Variants in NAA30 observed in about 807,000 individuals in gnomAD.
The protein encoded by NAA30 is N-alpha-acetyltransferase 30, NatC catalytic subunit, also known as N-alpha-acetyltransferase 30.
Under a neutral mutation model 31.4 loss-of-function variants are expected in NAA30, and 5 were observed. That is an observed-to-expected ratio of 0.16 (90% CI 0.08 to 0.33). The LOEUF is 0.33. NAA30 is among the 10% of genes least tolerant of loss of function. The pLI is 1.00. For missense variants in NAA30, 428 were observed against 490.8 expected, an observed-to-expected ratio of 0.87 and a Z score of 1.21; for synonymous variants, 222 against 207.1, an observed-to-expected ratio of 1.07 and a Z score of -0.62.
intron 2 of NAA30, among the ~76,000 whole-genome samples, chr14:57,393,377 G>A (rs1270722427): frequency 6.6e-6 from 1 of 152,090 alleles, no homozygotes; most frequent in Non-Finnish European, 1.5e-5. Context: ...TGAGTATCTA[G>A]AATTGCGATA....
rs533322853 is a variant in NAA30, at chr14:57,394,991, C to T, written c.772-1761C>T. ...TTTTATGTATGTGTATGTATTTATACGTGTCTGTATATACGCACATATATT... is the reference window on the plus strand; with the variant it reads ...TTTTATGTATGTGTATGTATTTATATGTGTCTGTATATACGCACATATATT... On this transcript the variant is annotated intron_variant, in intron 2 of 4. Coordinates refer to ENST00000556492, the MANE Select transcript of NAA30 (RefSeq NM_001011713.3). Among the ~76,000 whole-genome samples the T allele has an allele frequency of 2.0e-4, 31 of 152,170 alleles. No individual in the cohort carries two copies. In the South Asian group the frequency reaches 4.8e-3, roughly 23 times the overall value.
In NAA30 at chr14:57,413,268, T is replaced by G. The variant is rs2066531680; in HGVS notation, c.*3752T>G. 6.6e-6 allele frequency: 1 copy of G among 152,220 alleles called. No homozygotes were observed. The highest frequency in any genetic ancestry group is 1.5e-5 in the Non-Finnish European group (1 of 68,036). The allele number at this position is 152,220 out of a possible 1,614,324, so 9.4% of individuals were successfully genotyped here. Reference sequence around the variant, plus strand: ...ATTTTAGTGGAAGGATGAAATGATCTGTTTTAATCATTTAACTGCTAAATT... The same window carrying G: ...ATTTTAGTGGAAGGATGAAATGATCGGTTTTAATCATTTAACTGCTAAATT... On this transcript the variant is annotated 3_prime_UTR_variant, in exon 5 of 5. Transcript: ENST00000556492.
rs748563296 is a variant in NAA30, at chr14:57,415,225, T to C, written c.*5709T>C. On this transcript the variant is annotated 3_prime_UTR_variant, in exon 5 of 5. Coordinates refer to ENST00000556492, the MANE Select transcript of NAA30 (RefSeq NM_001011713.3). ...ACATAGTAAATCAATTTGAAATTTC[T>C]TAAAAACGTTTATAAGACTTTTCTG... 7.9e-5 allele frequency: 12 copies of C among 152,254 alleles called. No homozygotes were observed. The highest frequency in any genetic ancestry group is 5.9e-4 in the Admixed American group (9 of 15,286). The allele number at this position is 152,254 out of a possible 1,614,324, so 9.4% of individuals were successfully genotyped here.
Position 57,390,997 on chromosome 14 carries a change from C to T in NAA30, c.40C>T (p.Pro14Ser). Residue 14 changes from proline to serine, a missense_variant, in exon 2 of 5, where the codon CCA becomes TCA. By Grantham distance (74) the Pro-to-Ser change is moderately conservative (BLOSUM62 -1). This residue lies in a region of NAA30 where 349 missense variants were observed against 310.4 expected (regional missense o/e 1.12). Transcript: ENST00000556492. ...GCCTGGGCCTAGCAGCCTCCTCCCA[C>T]CACCAGCACCTCCGGCCCCGGCGGC... is the stretch of plus-strand genomic sequence containing the variant. ...VPPGPSSLLP[P>S]PAPPAPAAVE... 1 of 1,496,702 alleles carries T rather than the reference C, an allele frequency of 6.7e-7. No homozygotes were observed. The highest frequency in any genetic ancestry group is 8.8e-7 in the Non-Finnish European group (1 of 1,131,182). 92.7% of individuals were successfully genotyped at this position (1,496,702 alleles called of 1,614,324 possible).
chr14:57,406,028 C>A (rs965269541), intron 4 of NAA30, among the ~76,000 whole-genome samples: 7 of 151,918 alleles, frequency 4.6e-5, no homozygotes, highest in African/African-American at 7.3e-5. Context: ...TTCAGATATT[C>A]TTTTAATATG....
chr14:57,404,724 A>G (rs1007915306), intron 4 of NAA30, among the ~76,000 whole-genome samples: 3 of 152,194 alleles, frequency 2.0e-5, no homozygotes, highest in Non-Finnish European at 4.4e-5. Flanking sequence ...AGCAAGTCGC[A>G]TCTTACGTGG....
At chr14:57,404,807 CTT>C (rs1455988937) in intron 4 of NAA30, among the ~76,000 whole-genome samples, 7 of 152,080 alleles carry the variant, frequency 4.6e-5, no homozygotes, top group Admixed American at 6.5e-5. Flanking sequence ...TCTCGTGAGA[CTT>C]AATTCACTCA....
Position 57,409,375 on chromosome 14 carries a change from G to T in NAA30, c.952-4G>T. 1 of 1,584,382 alleles carries T rather than the reference G, an allele frequency of 6.3e-7. No individual in the cohort carries two copies. Among genetic ancestry groups the T allele is most frequent in the Non-Finnish European group, 8.6e-7 (1 of 1,168,600 alleles). ...AACTTAGTTTTTTTCTCATTTCTTT[G>T]AAGGTTGTTTTGGAAACCGAAATAA... On this transcript the variant is annotated splice_polypyrimidine_tract_variant and splice_region_variant and intron_variant, in intron 4 of 4. Transcript: ENST00000556492.
At position 57,399,748 on chromosome 14, in the gene NAA30, C is replaced by T. The variant is rs977367175; in HGVS notation, c.896-80C>T. ...AGATAGAAACTAGCATTTGACATTT[C>T]TGTGCTTACGAATATTATAATTTAG... On this transcript the variant is annotated intron_variant, in intron 3 of 4. Coordinates refer to ENST00000556492, the MANE Select transcript of NAA30 (RefSeq NM_001011713.3). 10 of 817,196 alleles carry T rather than the reference C, an allele frequency of 1.2e-5. No individual in the cohort carries two copies. The African/African-American group carries it at 1.7e-4, about 14-fold the overall frequency. The allele number at this position is 817,196 out of a possible 1,614,324, so 50.6% of individuals were successfully genotyped here.
In NAA30 at chr14:57,414,984, T is replaced by A. The variant is rs1594755551; in HGVS notation, c.*5468T>A. The A allele has an allele frequency of 6.6e-6, 1 of 152,224 alleles. No individual in the cohort carries two copies. Among genetic ancestry groups the A allele is most frequent in the African/African-American group, 2.4e-5 (1 of 41,460 alleles). The allele number at this position is 152,224 out of a possible 1,614,324, so 9.4% of individuals were successfully genotyped here. A position where few individuals can be genotyped will look rare whatever the true frequency, so the allele number is the denominator to read the frequency against. ...GGGGGTTATAATGAAATAGTTTTAG[T>A]CTATGTAAGGTTTTTATAATGCTAA... On this transcript the variant is annotated 3_prime_UTR_variant, in exon 5 of 5. Transcript: ENST00000556492.
Position 57,409,428 on chromosome 14 carries a change from A to G in NAA30, c.1001A>G (p.Glu334Gly). 4 of 1,611,112 alleles carry G rather than the reference A, an allele frequency of 2.5e-6. No individual in the cohort carries two copies. The highest frequency in any genetic ancestry group is 3.4e-6 in the Non-Finnish European group (4 of 1,178,762). Residue 334 changes from glutamate (E) to glycine (G), a missense_variant, in exon 5 of 5, where the codon GAA becomes GGA. By Grantham distance (98) the Glu-to-Gly change is moderately conservative. Transcript: ENST00000556492. ...AATAAGTCCGCTTTGAAACTTTATG[A>G]AAATCTTGGTTTTGTTCGAGATAAG... is the stretch of plus-strand genomic sequence containing the variant. ...ITNKSALKLYENLGFVRDKRL... is the reference protein window; with the variant it reads ...ITNKSALKLYGNLGFVRDKRL...
At chr14:57,397,662 C>CA (rs2066457183) in intron 3 of NAA30, among the ~76,000 whole-genome samples, 1 of 152,228 alleles carries the variant, frequency 6.6e-6, no homozygotes, top group Admixed American at 6.5e-5. Flanking sequence ...TGCGGTGGCT[C>CA]ACGCCTATAA....
chr14:57,390,779 G>A, intron 1 of NAA30, 74 bp downstream of exon 1: 1 of 566,118 alleles, frequency 1.8e-6, no homozygotes, highest in African/African-American at 2.0e-5. Context: ...GTGGCCGGCT[G>A]AGCAGCTGGG....
chr14:57,398,702 G>C (rs548094608), intron 3 of NAA30, among the ~76,000 whole-genome samples: 1 of 151,864 alleles, frequency 6.6e-6, no homozygotes, highest in Non-Finnish European at 1.5e-5. Flanking sequence ...GCATGATCTC[G>C]ACTCACTGCA....
intron 1 of NAA30, 25 bp from the exon 2 acceptor site, chr14:57,390,932 C>A: frequency 6.9e-7 from 1 of 1,457,550 alleles, no homozygotes. Flanking sequence ...TCATGGCCTC[C>A]CCTCTCGGTC....
intron 2 of NAA30, among the ~76,000 whole-genome samples, chr14:57,393,956 A>G (rs751995197): frequency 1.3e-5 from 2 of 152,142 alleles, no homozygotes; most frequent in Non-Finnish European, 2.9e-5. Context: ...CCTTACATCA[A>G]TCTCAAGAGA....
At chr14:57,402,814 A>G (rs1178989975) in intron 4 of NAA30, among the ~76,000 whole-genome samples, 2 of 152,236 alleles carry the variant, frequency 1.3e-5, no homozygotes, top group South Asian at 2.1e-4. Context: ...TAGATTTTCT[A>G]CTACTTAGGT....
Position 57,390,664 on chromosome 14 carries a change from A to C in NAA30, c.-43A>C. The C allele has an allele frequency of 2.9e-6, 1 of 347,654 alleles. No individual in the cohort carries two copies. The highest frequency in any genetic ancestry group is 5.2e-6 in the Non-Finnish European group (1 of 193,874). 21.5% of individuals were successfully genotyped at this position (347,654 alleles called of 1,614,324 possible). A position where few individuals can be genotyped will look rare whatever the true frequency, so the allele number is the denominator to read the frequency against. ...GCGAAGGAGGCGGCGGCGGTGGCGG[A>C]GGAAGAGGAGTGGCGGCAGCGGCGG... is the stretch of plus-strand genomic sequence containing the variant. On this transcript the variant is annotated 5_prime_UTR_variant, in exon 1 of 5. Coordinates refer to ENST00000556492, the MANE Select transcript of NAA30 (RefSeq NM_001011713.3).
intron 2 of NAA30, 91 bp from the exon 3 acceptor site, chr14:57,396,661 T>G: frequency 7.2e-7 from 1 of 1,395,910 alleles, no homozygotes; most frequent in Non-Finnish European, 1.0e-6. Context: ...CCGTCGAAAA[T>G]GCTTACCAAT....
Sources: allele counts gnomAD v4.1 joint callset (sites outside exome capture counted in the v4.1 genomes callset), GRCh38; gene constraint gnomAD v4.1.1; regional missense constraint gnomAD v4.1.1; transcripts MANE v1.5; gene names NCBI Gene and HGNC (gene_info 2026-07-23, HGNC 2026-07-21).